The following CTNNA2 variants were observed in gnomAD, a reference collection of about 807,000 sequenced individuals.
The protein encoded by CTNNA2 is catenin alpha 2, also known as catenin alpha-2.
A neutral mutation model predicts 101.0 loss-of-function variants in CTNNA2; 42 were observed. The ratio of observed to expected loss-of-function variants is 0.42; its 90% CI spans 0.32 to 0.54. The LOEUF (loss-of-function observed/expected upper bound fraction) is 0.54. Ranked by LOEUF, CTNNA2 falls within the 20% of genes least tolerant of loss-of-function variation. The pLI is 0.14. For missense variants in CTNNA2, 871 were observed against 1,223.1 expected (o/e 0.71, Z 4.29); for synonymous variants, 450 against 456.4 (o/e 0.99, Z 0.18).
At chr2:79,521,138 A>AAATTT (rs1558695113) in intron 1 of CTNNA2, among the ~76,000 whole-genome samples, 2 of 24,296 alleles carry the variant, frequency 8.2e-5, no homozygotes, top group Non-Finnish European at 1.7e-4. Context: ...ATATATATAT[A>AAATTT]TATATATATA....
At chr2:79,605,200 C>G (rs77951800) in intron 1 of CTNNA2, among the ~76,000 whole-genome samples, 65 of 152,220 alleles carry the variant, frequency 4.3e-4, no homozygotes, top group Non-Finnish European at 7.9e-4. Context: ...ACTACAATGT[C>G]TGCTGTGAAA....
intron 7 of CTNNA2, among the ~76,000 whole-genome samples, chr2:79,924,266 C>G (rs1467856727): frequency 6.6e-6 from 1 of 152,064 alleles, no homozygotes; most frequent in Admixed American, 6.6e-5. Context: ...CCAGGAGAAG[C>G]TGATGTCTCA....
At chr2:80,634,061 A>G (rs1315896005) in intron 18 of CTNNA2, among the ~76,000 whole-genome samples, 1 of 152,178 alleles carries the variant, frequency 6.6e-6, no homozygotes, top group African/African-American at 2.4e-5. Context: ...GTGTCTTTGG[A>G]CAAGCCTTTC....
intron 17 of CTNNA2, among the ~76,000 whole-genome samples, chr2:80,609,640 G>T (rs1474134790): frequency 1.3e-5 from 2 of 151,708 alleles, no homozygotes; most frequent in Non-Finnish European, 2.9e-5. Context: ...CTTATCTTCA[G>T]CCTTGATGGT....
At chr2:79,320,481 C>T (rs893260072) in intron 3 of CTNNA2, among the ~76,000 whole-genome samples, 4 of 152,122 alleles carry the variant, frequency 2.6e-5, no homozygotes, top group Admixed American at 2.0e-4. Context: ...CTTCCTAGTA[C>T]TTAATGATGT....
intron 14 of CTNNA2, among the ~76,000 whole-genome samples, chr2:80,585,351 G>A (rs1443016892): frequency 6.6e-6 from 1 of 152,142 alleles, no homozygotes; most frequent in Non-Finnish European, 1.5e-5. Flanking sequence ...GAAAGGCTGG[G>A]AGGGACTCTG....
intron 1 of CTNNA2, among the ~76,000 whole-genome samples, chr2:79,572,560 T>C (rs957601526): frequency 2.0e-5 from 3 of 152,134 alleles, no homozygotes; most frequent in African/African-American, 7.2e-5. Flanking sequence ...GAGACCAGCC[T>C]GGCAAACATG....
chr2:80,322,300 G>A (rs1678776363), intron 7 of CTNNA2, among the ~76,000 whole-genome samples: 1 of 152,094 alleles, frequency 6.6e-6, no homozygotes. Context: ...TCTTCCCTAA[G>A]CCCCTCATTT....
At chr2:80,556,164 G>T (rs1364309941) in intron 12 of CTNNA2, among the ~76,000 whole-genome samples, 1 of 152,008 alleles carries the variant, frequency 6.6e-6, no homozygotes, top group East Asian at 1.9e-4. Flanking sequence ...AAATTTTTCT[G>T]CTTACTTAAT....
intron 1 of CTNNA2, among the ~76,000 whole-genome samples, chr2:79,566,068 G>A (rs1675094423): frequency 1.3e-5 from 2 of 152,074 alleles, no homozygotes; most frequent in African/African-American, 2.4e-5. Flanking sequence ...CCAGAAGTCT[G>A]TGGGCAATGG....
intron 4 of CTNNA2, among the ~76,000 whole-genome samples, chr2:79,388,636 T>A (rs956239538): frequency 3.3e-4 from 50 of 152,256 alleles, no homozygotes; most frequent in African/African-American, 1.2e-3. Context: ...TCTGCCCTCC[T>A]CCCACTCTAC....
intron 4 of CTNNA2, among the ~76,000 whole-genome samples, chr2:79,496,203 A>C (rs1671254266): frequency 1.3e-5 from 2 of 152,188 alleles, no homozygotes; most frequent in African/African-American, 2.4e-5. Flanking sequence ...GCTACCAAAA[A>C]AATTTAGCAA....
At chr2:80,546,292 G>A (rs1002222445) in intron 11 of CTNNA2, among the ~76,000 whole-genome samples, 1 of 152,152 alleles carries the variant, frequency 6.6e-6, no homozygotes, top group African/African-American at 2.4e-5. Context: ...CATTATTTAA[G>A]GTGGCTTATA....
At chr2:80,338,307 T>TC (rs953416724) in intron 7 of CTNNA2, among the ~76,000 whole-genome samples, 16 of 151,048 alleles carry the variant, frequency 1.1e-4, no homozygotes, top group Admixed American at 8.5e-4. Flanking sequence ...TTTTTCTTTT[T>TC]TTTTTTTTTT....
chr2:80,161,259 A>T (rs912869371), intron 7 of CTNNA2, among the ~76,000 whole-genome samples: 2 of 152,042 alleles, frequency 1.3e-5, no homozygotes, highest in Admixed American at 1.3e-4. Context: ...CAGGTGATTC[A>T]CCTGCCTCAG....
At position 79,896,318 on chromosome 2, in the gene CTNNA2, T is replaced by C. The variant is rs566710144; in HGVS notation, c.853-13276T>C. On this transcript the variant is annotated intron_variant, in intron 6 of 18. Coordinates refer to ENST00000402739, the MANE Select transcript of CTNNA2 (RefSeq NM_001282597.3). ...AAAAGGAGAACTAACGTTTGTCATA[T>C]GACAATAGGTTACTCATCCCCATTC... Among the ~76,000 whole-genome samples the C allele has an allele frequency of 5.9e-5, 9 of 151,920 alleles. No individual in the cohort carries two copies. In the South Asian group the frequency reaches 1.9e-3, roughly 32 times the overall value.
intron 3 of CTNNA2, among the ~76,000 whole-genome samples, chr2:79,352,341 A>AT (rs1677409423): frequency 1.3e-5 from 2 of 151,522 alleles, no homozygotes; most frequent in South Asian, 4.2e-4. Context: ...GAATTTATCC[A>AT]TTTTTTCTGG....
At chr2:80,025,371 G>C (rs996585657) in intron 7 of CTNNA2, among the ~76,000 whole-genome samples, 1 of 152,168 alleles carries the variant, frequency 6.6e-6, no homozygotes, top group African/African-American at 2.4e-5. Context: ...CCTGCTAGAT[G>C]TAAGGAAGCA....
chr2:80,381,123 T>G (rs983189020), intron 7 of CTNNA2, among the ~76,000 whole-genome samples: 1 of 151,966 alleles, frequency 6.6e-6, no homozygotes, highest in African/African-American at 2.4e-5. Flanking sequence ...GGAGTGCCAG[T>G]GGCTTGCACC....
Sources: allele counts gnomAD v4.1 joint callset (sites outside exome capture counted in the v4.1 genomes callset), GRCh38; gene constraint gnomAD v4.1.1; transcripts MANE v1.5; gene names NCBI Gene and HGNC (gene_info 2026-07-23, HGNC 2026-07-21).